The following ASPH variants were observed in gnomAD, a reference collection of about 807,000 sequenced individuals.
ASPH encodes the protein aspartate beta-hydroxylase.
ASPH carries 100 observed loss-of-function variants against 118.4 expected under a neutral mutation model. The observed-to-expected ratio is 0.84, with a 90% CI of 0.72 to 1.00. The LOEUF (loss-of-function observed/expected upper bound fraction) is 1.00, where lower values mean the gene tolerates loss of function less well. Ranked by LOEUF, ASPH falls within the 50% of genes least tolerant of loss-of-function variation. The pLI is 0.00. For synonymous variants in ASPH, 315 were observed against 325.6 expected (o/e 0.97, Z 0.35); for missense variants, 920 against 919.5 (o/e 1.00, Z -0.01).
At chr8:61,580,244 A>T (rs946552973) in intron 15 of ASPH, among the ~76,000 whole-genome samples, 7 of 152,158 alleles carry the variant, frequency 4.6e-5, no homozygotes, top group African/African-American at 1.7e-4. Context: ...CCGTCTTCTC[A>T]CAACTCCACT....
chr8:61,553,547 A>G (rs1284153232), intron 19 of ASPH, among the ~76,000 whole-genome samples: 7 of 152,146 alleles, frequency 4.6e-5, no homozygotes, highest in Admixed American at 1.3e-4. Flanking sequence ...TGGCAGTCCA[A>G]CTGCGAGCAT....
chr8:61,619,797 C>T (rs570158955), intron 13 of ASPH, among the ~76,000 whole-genome samples: 9 of 152,280 alleles, frequency 5.9e-5, no homozygotes, highest in South Asian at 2.1e-4. Context: ...TTAATTTTCA[C>T]GGCAATCACT....
At chr8:61,602,881 T>A (rs1221531544) in intron 14 of ASPH, among the ~76,000 whole-genome samples, 3 of 152,132 alleles carry the variant, frequency 2.0e-5, no homozygotes, top group Non-Finnish European at 4.4e-5. Context: ...ATAACCACAA[T>A]ACTGTTACCA....
At chr8:61,558,525 A>C (rs1828684588) in intron 18 of ASPH, among the ~76,000 whole-genome samples, 1 of 152,166 alleles carries the variant, frequency 6.6e-6, no homozygotes, top group African/African-American at 2.4e-5. Context: ...TTCTACTTGT[A>C]TCTGTCTCTC....
At chr8:61,686,847 T>C (rs918226523) in intron 1 of ASPH, among the ~76,000 whole-genome samples, 4 of 152,202 alleles carry the variant, frequency 2.6e-5, no homozygotes, top group African/African-American at 9.6e-5. Context: ...ACCAGTCTCT[T>C]GTATTTTTCC....
intron 14 of ASPH, among the ~76,000 whole-genome samples, chr8:61,595,443 A>G (rs1842248511): frequency 2.0e-5 from 3 of 152,276 alleles, no homozygotes; most frequent in Admixed American, 2.0e-4. Flanking sequence ...ATTATTTGAT[A>G]TATTGAAAAA....
At position 61,593,746 on chromosome 8, in the gene ASPH, G is replaced by C. The variant is rs75795793; in HGVS notation, c.977-9717C>G. Among the ~76,000 whole-genome samples, 17 of 152,276 alleles carry C rather than the reference G, an allele frequency of 1.1e-4. No homozygotes were observed. The East Asian group carries it at 3.3e-3, about 29-fold the overall frequency. The stretch of plus-strand genomic sequence containing the variant: ...CATATGTTAAATTAGAAATTTTAGA[G>C]ATGCTAAGTGATGTGTTTTCTAGAC... On this transcript the variant is annotated intron_variant, in intron 14 of 24. Coordinates refer to ENST00000379454, the MANE Select transcript of ASPH (RefSeq NM_004318.4).
At chr8:61,529,133 G>T (rs1586605802) in intron 21 of ASPH, among the ~76,000 whole-genome samples, 1 of 152,292 alleles carries the variant, frequency 6.6e-6, no homozygotes. Flanking sequence ...CCACAGTCTG[G>T]TGGTCAGCAC....
At chr8:61,700,827 G>A (rs148406525) in intron 1 of ASPH, among the ~76,000 whole-genome samples, 84 of 152,280 alleles carry the variant, frequency 5.5e-4, no homozygotes, top group African/African-American at 1.6e-3. Flanking sequence ...TTTGTATAAT[G>A]CATTGCAAAG....
intron 7 of ASPH, 122 bp downstream of exon 7, chr8:61,644,478 A>T: frequency 1.5e-6 from 1 of 674,414 alleles, no homozygotes; most frequent in Non-Finnish European, 2.2e-6. Context: ...TAAAATTATT[A>T]ATTGCATATC....
chr8:61,678,714 C>A (rs568226483), intron 3 of ASPH, among the ~76,000 whole-genome samples: 1 of 152,092 alleles, frequency 6.6e-6, no homozygotes, highest in East Asian at 1.9e-4. Flanking sequence ...ACTATACCTG[C>A]GATGACAACA....
chr8:61,512,025 G>T (rs1809047680), intron 24 of ASPH, among the ~76,000 whole-genome samples: 1 of 152,158 alleles, frequency 6.6e-6, no homozygotes, highest in Non-Finnish European at 1.5e-5. Context: ...CCCAGCATTT[G>T]AAGTGATCAC....
chr8:61,545,566 A>G (rs1388909110), intron 21 of ASPH, among the ~76,000 whole-genome samples: 5 of 152,246 alleles, frequency 3.3e-5, no homozygotes, highest in African/African-American at 1.2e-4. Context: ...TTTGGGGAAC[A>G]TAGCTTTGGT....
chr8:61,578,714 T>C (rs1368936272), intron 15 of ASPH: 1 of 1,608,632 alleles, frequency 6.2e-7, no homozygotes, highest in East Asian at 2.2e-5. Context: ...AGGCGGAGCT[T>C]GGCAACATGC....
chr8:61,530,106 G>A (rs560501775), intron 21 of ASPH, among the ~76,000 whole-genome samples: 11 of 152,172 alleles, frequency 7.2e-5, no homozygotes, highest in Non-Finnish European at 1.2e-4. Flanking sequence ...AAATAATCCA[G>A]TTTTTAGGAA....
At chr8:61,543,690 T>C (rs1380025594) in intron 21 of ASPH, among the ~76,000 whole-genome samples, 1 of 152,236 alleles carries the variant, frequency 6.6e-6, no homozygotes, top group Non-Finnish European at 1.5e-5. Context: ...TCTTTGTGTG[T>C]CATATAATTT....
chr8:61,672,171 A>G (rs930306936), intron 3 of ASPH, among the ~76,000 whole-genome samples: 1 of 152,224 alleles, frequency 6.6e-6, no homozygotes, highest in Non-Finnish European at 1.5e-5. Flanking sequence ...TACTCTTAGT[A>G]AAATGCATGT....
At chr8:61,686,610 G>A (rs935809188) in intron 1 of ASPH, among the ~76,000 whole-genome samples, 10 of 152,158 alleles carry the variant, frequency 6.6e-5, no homozygotes, top group African/African-American at 1.7e-4. Flanking sequence ...AGACATATGC[G>A]TACAAATCCA....
chr8:61,583,845 T>C (rs1838387978), intron 15 of ASPH, 99 bp downstream of exon 15: 3 of 863,010 alleles, frequency 3.5e-6, no homozygotes, highest in Admixed American at 3.0e-5. Context: ...TCAACTGTTG[T>C]TTCTTTTACA....
Sources: gnomAD v4.1 joint callset for allele counts (sites outside exome capture counted in the v4.1 genomes callset) on GRCh38, gnomAD v4.1.1 for gene constraint, MANE v1.5 for transcripts, NCBI Gene and HGNC (gene_info 2026-07-23, HGNC 2026-07-21) for gene names.